The following SAMD9 variants were observed in gnomAD, a reference collection of about 807,000 sequenced individuals.
SAMD9 encodes the protein sterile alpha motif domain-containing protein 9.
Under a neutral mutation model 1.5 loss-of-function variants are expected in SAMD9, and 3 were observed. That is an observed-to-expected ratio of 2.05 (90% confidence interval 0.93 to 5.29). SAMD9 has a LOEUF of 5.29. Ranked by LOEUF, SAMD9 falls within the 30% of genes most tolerant of loss-of-function variation. The pLI is 0.02. For missense variants in SAMD9, 1,597 were observed against 1,820.8 expected (o/e 0.88, Z 2.24); for synonymous variants, 635 against 631.9 (o/e 1.00, Z -0.07).
At chr7:93,111,798 A>G (rs1230014663) in intron 2 of SAMD9, among the ~76,000 whole-genome samples, 1 of 152,220 alleles carries the variant, frequency 6.6e-6, no homozygotes, top group Admixed American at 6.5e-5. Flanking sequence ...ACAGGTTCTG[A>G]AATTGAGGCA....
Position 93,101,344 on chromosome 7 carries a change from T to C in SAMD9, c.4754A>G (p.Asp1585Gly). 6.2e-7 allele frequency: 1 copy of C among 1,612,180 alleles called. No homozygotes were observed. The highest frequency in any genetic ancestry group is 1.7e-5 in the Admixed American group (1 of 60,020). The part of the protein sequence containing the change: ...GFSIGGPLAY[D>G]IEIV ...ATCAGGCTCTTAAACAATTTCAATG[T>C]CATAAGCAAGTGGGCCTCCAATGGA... is the stretch of plus-strand genomic sequence containing the variant. Residue 1585 changes from aspartate (D) to glycine (G), a missense_variant, in exon 3 of 3, where the codon GAC becomes GGC. Physicochemically the swap from Asp to Gly is moderately conservative, Grantham distance 94 (BLOSUM62 -1). Coordinates refer to ENST00000379958, the MANE Select transcript of SAMD9 (RefSeq NM_017654.4).
At chr7:93,115,176 A>T (rs1037882382) in intron 1 of SAMD9, among the ~76,000 whole-genome samples, 1 of 152,252 alleles carries the variant, frequency 6.6e-6, no homozygotes, top group Non-Finnish European at 1.5e-5. Context: ...TAAAATTACA[A>T]CAAGATAATA....
intron 2 of SAMD9, among the ~76,000 whole-genome samples, chr7:93,113,827 A>G (rs1442900163): frequency 1.3e-5 from 2 of 152,230 alleles, no homozygotes; most frequent in African/African-American, 4.8e-5. Context: ...GTGGAAAAAT[A>G]GGGACACTTT....
In SAMD9 at chr7:93,100,338, C is replaced by T. The variant is rs1791506886; in HGVS notation, c.*990G>A. The T allele has an allele frequency of 6.6e-6, 1 of 152,094 alleles. No individual in the cohort carries two copies. Among genetic ancestry groups the T allele is most frequent in the South Asian group, 2.1e-4 (1 of 4,820 alleles). The allele number at this position is 152,094 out of a possible 1,614,324, so 9.4% of individuals were successfully genotyped here. A position where few individuals can be genotyped will look rare whatever the true frequency, so the allele number is the denominator to read the frequency against. On this transcript the variant is annotated 3_prime_UTR_variant, in exon 3 of 3. Coordinates refer to ENST00000379958, the MANE Select transcript of SAMD9 (RefSeq NM_017654.4). ...GATGTGTGCACTCCTATAGTACTTC[C>T]AGGCCCATAATGTCTGGTCTTCCTC...
chr7:93,109,312 C>A (rs1324575899), intron 2 of SAMD9, among the ~76,000 whole-genome samples: 1 of 152,140 alleles, frequency 6.6e-6, no homozygotes, highest in African/African-American at 2.4e-5. Flanking sequence ...TCACCATCAT[C>A]AAAGACCAAA....
chr7:93,113,054 T>C (rs567828189), intron 2 of SAMD9, among the ~76,000 whole-genome samples: 45 of 152,272 alleles, frequency 3.0e-4, no homozygotes, highest in Admixed American at 4.6e-4. Flanking sequence ...TTTCAAACTA[T>C]ACTACAAGGC....
intron 2 of SAMD9, among the ~76,000 whole-genome samples, chr7:93,106,861 C>A (rs114114049): frequency 3.3e-5 from 5 of 152,114 alleles, no homozygotes; most frequent in Admixed American, 1.3e-4. Flanking sequence ...TGCCAAGACC[C>A]TTTAAACAGA....
At position 93,102,930 on chromosome 7, in the gene SAMD9, T is replaced by C. The variant is rs1301330516; in HGVS notation, c.3168A>G (p.Glu1056=). Residue 1056 remains glutamate, a synonymous_variant, in exon 3 of 3, where the codon GAA becomes GAG. Transcript: ENST00000379958. ...ETGNWFSPFI[E]ALHKDEGNEA... is the part of the protein sequence containing the mutation. ...CATTTCCTTCATCTTTATGTAATGCTTCAATAAATGGGGAAAACCAATTTC... is the reference window on the plus strand; with the variant it reads ...CATTTCCTTCATCTTTATGTAATGCCTCAATAAATGGGGAAAACCAATTTC... 2 of 1,613,932 alleles carry C rather than the reference T, an allele frequency of 1.2e-6. No homozygotes were observed.
chr7:93,113,522 C>T (rs1791781506), intron 2 of SAMD9, among the ~76,000 whole-genome samples: 1 of 152,150 alleles, frequency 6.6e-6, no homozygotes, highest in South Asian at 2.1e-4. Flanking sequence ...AGGCAACCTA[C>T]AGAATGGGAG....
chr7:93,116,121 C>T (rs2116443290), intron 1 of SAMD9, among the ~76,000 whole-genome samples: 1 of 152,336 alleles, frequency 6.6e-6, no homozygotes, highest in East Asian at 1.9e-4. Context: ...CATCTCGCCG[C>T]TTCCCACCAG....
chr7:93,115,922 C>T (rs1395683235), intron 1 of SAMD9, among the ~76,000 whole-genome samples: 1 of 152,180 alleles, frequency 6.6e-6, no homozygotes, highest in Non-Finnish European at 1.5e-5. Context: ...ACTACACCCT[C>T]GTCTAGTAAC....
chr7:93,114,498 A>C (rs1791802706), intron 2 of SAMD9, among the ~76,000 whole-genome samples: 1 of 152,210 alleles, frequency 6.6e-6, no homozygotes, highest in Non-Finnish European at 1.5e-5. Flanking sequence ...ATGCCAGTTT[A>C]ATAAATTGAA....
At chr7:93,110,482 T>G (rs1791722565) in intron 2 of SAMD9, among the ~76,000 whole-genome samples, 2 of 152,202 alleles carry the variant, frequency 1.3e-5, no homozygotes, top group South Asian at 4.1e-4. Flanking sequence ...GTAAATGGGC[T>G]AAATGCTCCA....
At chr7:93,111,820 C>A (rs1429182130) in intron 2 of SAMD9, among the ~76,000 whole-genome samples, 2 of 152,112 alleles carry the variant, frequency 1.3e-5, no homozygotes, top group Non-Finnish European at 2.9e-5. Context: ...CAATTAATAG[C>A]CTACCAACCA....
At chr7:93,110,932 A>G (rs1791731695) in intron 2 of SAMD9, among the ~76,000 whole-genome samples, 1 of 152,240 alleles carries the variant, frequency 6.6e-6, no homozygotes, top group Non-Finnish European at 1.5e-5. Context: ...CCAGGAATTG[A>G]ACTCAGCTCT....
At chr7:93,112,792 T>G (rs1791768422) in intron 2 of SAMD9, among the ~76,000 whole-genome samples, 1 of 152,030 alleles carries the variant, frequency 6.6e-6, no homozygotes, top group Non-Finnish European at 1.5e-5. Flanking sequence ...TACTGCTCAA[T>G]GAGATAAAAG....
intron 2 of SAMD9, among the ~76,000 whole-genome samples, chr7:93,108,828 G>A (rs903016802): frequency 4.0e-4 from 61 of 152,310 alleles, no homozygotes; most frequent in African/African-American, 1.4e-3. Context: ...GGAGCCCACA[G>A]CAGCTCAAGG....
Position 93,104,907 on chromosome 7 carries a change from T to C in SAMD9, c.1191A>G (p.Leu397=), listed in dbSNP as rs1791604504. Residue 397 remains leucine (L), a synonymous_variant, in exon 3 of 3, where the codon TTA becomes TTG. Transcript: ENST00000379958. ...CTAACAAATCTTGATTTCCTGTCAA[T>C]AATTTAACCAACTTTGGTCCCTCTC... ...KEREGPKLVK[L]LTGNQDLLDN... is the part of the protein sequence containing the mutation. 3.1e-6 allele frequency: 5 copies of C among 1,612,788 alleles called. No individual in the cohort carries two copies. The African/African-American group carries it at 5.3e-5, about 17-fold the overall frequency.
rs753146043 is a variant in SAMD9, at chr7:93,103,938, GT to G, written c.2159del (p.Asn720ThrfsTer35). ...KYERLEAMIQ[N>X]CADSSKPTST... The stretch of plus-strand genomic sequence containing the variant: ...TTGTTGGTTTAGAAGAATCTGCACA[GT>G]TTTGAATCATTGCTTCAAGTCTTTC... On this transcript the variant is annotated frameshift_variant, in exon 3 of 3. Transcript: ENST00000379958. LOFTEE classifies it low-confidence loss of function (END_TRUNC). 15 of 1,613,440 alleles carry G rather than the reference GT, an allele frequency of 9.3e-6. No individual in the cohort carries two copies. In the East Asian group the frequency reaches 1.8e-4, roughly 19 times the overall value.
Sources: gnomAD v4.1 joint callset for allele counts (sites outside exome capture counted in the v4.1 genomes callset) on GRCh38, gnomAD v4.1.1 for gene constraint, MANE v1.5 for transcripts, NCBI Gene and HGNC (gene_info 2026-07-23, HGNC 2026-07-21) for gene names.